CRADD: variants seen among roughly 807,000 people sequenced by gnomAD.
CRADD encodes the protein CARD and death domain containing adaptor protein.
Under a neutral mutation model 15.5 loss-of-function variants are expected in CRADD, and 9 were observed. The ratio of observed to expected loss-of-function variants is 0.58; its 90% CI spans 0.35 to 1.01. The LOEUF is 1.01. Among genes scored for constraint, CRADD ranks in the 50% least tolerant of loss-of-function variants. The probability of loss-of-function intolerance (pLI) is 0.02; values close to 1 mark genes in which losing one functional copy is unlikely to be tolerated. For missense variants in CRADD, 227 were observed against 250.3 expected, an observed-to-expected ratio of 0.91 and a Z score of 0.63; for synonymous variants, 118 against 107.6, an observed-to-expected ratio of 1.10 and a Z score of -0.60.
intron 2 of CRADD, chr12:93,737,752 C>T (rs1356087448): frequency 6.5e-6 from 1 of 152,696 alleles, no homozygotes; most frequent in Non-Finnish European, 1.5e-5. Flanking sequence ...TGTTGTACAC[C>T]TTTAAATTGT....
chr12:93,837,694 A>T (rs993071589), intron 2 of CRADD: 1 of 152,254 alleles, frequency 6.6e-6, no homozygotes, highest in African/African-American at 2.4e-5. Flanking sequence ...TGATTTAATG[A>T]GAAGTCAAAA....
intron 2 of CRADD, among the ~76,000 whole-genome samples, chr12:93,700,770 G>A (rs191641296): frequency 1.2e-3 from 183 of 152,160 alleles, no homozygotes; most frequent in African/African-American, 4.3e-3. Flanking sequence ...GGTTTTGTTT[G>A]TTTGATTTTT....
intron 2 of CRADD, among the ~76,000 whole-genome samples, chr12:93,758,642 T>C: frequency 6.6e-6 from 1 of 152,086 alleles, no homozygotes; most frequent in East Asian, 1.9e-4. Context: ...ATGTTTTAAA[T>C]GCAGTGGAAG....
At chr12:93,772,662 T>C (rs1957096970) in intron 2 of CRADD, among the ~76,000 whole-genome samples, 1 of 152,268 alleles carries the variant, frequency 6.6e-6, no homozygotes, top group Non-Finnish European at 1.5e-5. Context: ...CATCTCTGGA[T>C]TATTTCCTAG....
chr12:93,876,638 T>A (rs1183121850), intron 2 of CRADD, among the ~76,000 whole-genome samples: 2 of 152,136 alleles, frequency 1.3e-5, no homozygotes, highest in African/African-American at 4.8e-5. Context: ...ACCAATTGCA[T>A]TTTTCAGCTT....
At chr12:93,677,723 T>G (rs1395843396) in intron 1 of CRADD, 1 of 152,248 alleles carries the variant, frequency 6.6e-6, no homozygotes, top group Admixed American at 6.5e-5. Context: ...ATACAAGGGT[T>G]TCAGCGGCCG....
intron 2 of CRADD, among the ~76,000 whole-genome samples, chr12:93,773,353 G>A (rs1489117857): frequency 1.3e-5 from 2 of 152,154 alleles, no homozygotes. Flanking sequence ...TGGTGGTGAC[G>A]AATGAGTCTC....
intron 2 of CRADD, among the ~76,000 whole-genome samples, chr12:93,879,854 A>C (rs551299427): frequency 3.9e-5 from 6 of 152,302 alleles, no homozygotes; most frequent in African/African-American, 1.4e-4. Context: ...CACTTCGACT[A>C]TCTTGTCAAG....
At chr12:93,723,243 A>C (rs1409022668) in intron 2 of CRADD, among the ~76,000 whole-genome samples, 2 of 152,234 alleles carry the variant, frequency 1.3e-5, no homozygotes, top group Non-Finnish European at 2.9e-5. Flanking sequence ...CGTTAGCCAC[A>C]AGATTAGAAA....
Position 93,708,892 on chromosome 12 carries a change from G to C in CRADD, c.298+29820G>C, listed in dbSNP as rs12425274. On this transcript the variant is annotated intron_variant, in intron 2 of 2. Coordinates refer to ENST00000332896, the MANE Select transcript of CRADD (RefSeq NM_003805.5). ...AGAAGCTGGGAAGTCCAAGATCAAG[G>C]CACCAGCAGATTAGGTGTCTGGTGA... 3,605 of 152,854 alleles carry C rather than the reference G, an allele frequency of 0.024. 225 individuals are homozygous for C. In the East Asian group the frequency reaches 0.24, roughly 10 times the overall value. 9.5% of individuals were successfully genotyped at this position (152,854 alleles called of 1,614,324 possible).
At chr12:93,757,945 G>C (rs1956909607) in intron 2 of CRADD, among the ~76,000 whole-genome samples, 1 of 152,194 alleles carries the variant, frequency 6.6e-6, no homozygotes, top group Admixed American at 6.5e-5. Context: ...GGGTGGCAGT[G>C]GTGCAGATAG....
chr12:93,817,988 G>T (rs993067667), intron 2 of CRADD, among the ~76,000 whole-genome samples: 1 of 152,194 alleles, frequency 6.6e-6, no homozygotes, highest in Non-Finnish European at 1.5e-5. Context: ...CTCTGCCAGG[G>T]TTCCCCCCGC....
chr12:93,719,209 A>G (rs1956216879), intron 2 of CRADD, among the ~76,000 whole-genome samples: 1 of 152,024 alleles, frequency 6.6e-6, no homozygotes, highest in Non-Finnish European at 1.5e-5. Flanking sequence ...TGATCATGTG[A>G]TTTTTCTAAT....
At chr12:93,834,615 A>G (rs887843168) in intron 2 of CRADD, among the ~76,000 whole-genome samples, 2 of 152,096 alleles carry the variant, frequency 1.3e-5, no homozygotes, top group African/African-American at 4.8e-5. Flanking sequence ...CAGCCTCCCA[A>G]GTAGCTGGGA....
intron 2 of CRADD, among the ~76,000 whole-genome samples, chr12:93,691,546 G>C (rs1052886938): frequency 1.6e-4 from 24 of 152,290 alleles, no homozygotes; most frequent in African/African-American, 5.8e-4. Flanking sequence ...GAGCCACCGT[G>C]CCTGGCCAAT....
intron 2 of CRADD, among the ~76,000 whole-genome samples, chr12:93,755,811 A>G (rs1343136934): frequency 1.3e-5 from 2 of 152,222 alleles, no homozygotes; most frequent in Non-Finnish European, 2.9e-5. Context: ...ATATTTTGAT[A>G]GAAAGTAAAT....
At chr12:93,842,325 ATAGG>A (rs1958058792) in intron 2 of CRADD, among the ~76,000 whole-genome samples, 1 of 152,232 alleles carries the variant, frequency 6.6e-6, no homozygotes, top group African/African-American at 2.4e-5. Flanking sequence ...GCAATAAGGA[ATAGG>A]TAGGAAGTAC....
chr12:93,828,282 CT>C (rs1300776836), intron 2 of CRADD, among the ~76,000 whole-genome samples: 2 of 152,168 alleles, frequency 1.3e-5, no homozygotes, highest in African/African-American at 4.8e-5. Flanking sequence ...TAAACAGTGT[CT>C]TTCAAATAGC....
chr12:93,722,360 C>T lies in CRADD; in HGVS notation c.298+43288C>T, dbSNP rs191749908. Among the ~76,000 whole-genome samples, 35 of 152,042 alleles carry T rather than the reference C, an allele frequency of 2.3e-4. No homozygotes were observed. The East Asian group carries it at 6.2e-3, about 27-fold the overall frequency. ...ATGCTGCTTGGTATTCTCTAAGCTT[C>T]CTGGATCTGTGGTTTGGTGTCTGGC... On this transcript the variant is annotated intron_variant, in intron 2 of 2. Transcript: ENST00000332896.
Sources: allele counts gnomAD v4.1 joint callset (sites outside exome capture counted in the v4.1 genomes callset), GRCh38; gene constraint gnomAD v4.1.1; transcripts MANE v1.5; gene names NCBI Gene and HGNC (gene_info 2026-07-23, HGNC 2026-07-21).